CDHR2: variants seen among roughly 807,000 people sequenced by gnomAD.
CDHR2 encodes cadherin-related family member 2.
A neutral mutation model predicts 138.6 loss-of-function variants in CDHR2; 104 were observed. The ratio of observed to expected loss-of-function variants is 0.75; its 90% confidence interval spans 0.64 to 0.88. CDHR2 has a LOEUF of 0.88. Among genes scored for constraint, CDHR2 ranks in the 40% least tolerant of loss-of-function variants. The pLI, the probability that CDHR2 is intolerant of heterozygous loss-of-function variation, is 0.00. For synonymous variants in CDHR2, 755 were observed against 742.8 expected (o/e 1.02, Z -0.27); for missense variants, 1,624 against 1,727.6 (o/e 0.94, Z 1.06).
rs1342793358 is a variant in CDHR2, at chr5:176,584,581, A to G, written c.2300A>G (p.Asp767Gly). ...YLRLPPDVSL[D>G]YETQPVFNLT... ...CGGCTGCCCCCGGACGTGAGCCTGG[A>G]TTACGAGACACAGCCCGTCTTCAAC... Residue 767 changes from aspartate to glycine, a missense_variant, in exon 19 of 32, where the codon GAT (aspartate) becomes GGT (glycine). Coordinates refer to ENST00000261944, the MANE Select transcript of CDHR2 (RefSeq NM_017675.6). 2 of 1,608,722 alleles carry G rather than the reference A, an allele frequency of 1.2e-6. No individual in the cohort carries two copies. Among genetic ancestry groups the G allele is most frequent in the East Asian group, 2.2e-5 (1 of 44,800 alleles).
intron 30 of CDHR2, chr5:176,591,751 GTGA>G (rs1230376015): frequency 1.1e-5 from 2 of 176,240 alleles, no homozygotes; most frequent in African/African-American, 7.3e-5. Flanking sequence ...GGTGATGGTG[GTGA>G]TGATGGTGAT....
intron 3 of CDHR2, chr5:176,566,826 C>G (rs1049060295): frequency 2.4e-6 from 1 of 414,578 alleles, no homozygotes; most frequent in South Asian, 1.7e-5. Context: ...GCAAGGGAAC[C>G]TGGCAAATGT....
chr5:176,560,114 T>C (rs924136035), intron 1 of CDHR2, among the ~76,000 whole-genome samples: 4 of 151,956 alleles, frequency 2.6e-5, no homozygotes, highest in African/African-American at 9.7e-5. Flanking sequence ...TAAAAACAAA[T>C]GGCTGGGCGC....
intron 14 of CDHR2, 77 bp from the exon 15 acceptor site, chr5:176,577,955 GCT>G: frequency 6.6e-7 from 1 of 1,525,980 alleles, no homozygotes. Flanking sequence ...AAGCACGACA[GCT>G]CTGTCCCCAC....
At position 176,584,965 on chromosome 5, in the gene CDHR2, G is replaced by A. The variant is rs141336153; in HGVS notation, c.2684G>A (p.Arg895Gln). Residue 895 changes from arginine to glutamine, a missense_variant, in exon 19 of 32, where the codon CGG (arginine) becomes CAG (glutamine). Arg to Gln is a conservative substitution (Grantham distance 43). Around this residue, in one of 3 missense-constraint regions of CDHR2, gnomAD observed 556 missense variants for 565.7 expected, o/e 0.98. Transcript: ENST00000261944. Reference sequence around the variant, plus strand: ...TGTGACCTGGTCACGCTGGTTGTGCGGGCCTGTGACCTAGCCACGGACCCC... The same window carrying A: ...TGTGACCTGGTCACGCTGGTTGTGCAGGCCTGTGACCTAGCCACGGACCCC... ...EACDLVTLVV[R>Q]ACDLATDPGF... is the part of the protein sequence containing the mutation. 7.1e-4 allele frequency: 1,115 copies of A among 1,565,116 alleles called. 21 individuals carry two copies. In the South Asian group the frequency reaches 0.012, roughly 17 times the overall value.
rs1758376183 is a variant in CDHR2, at chr5:176,576,166, T to C, written c.1175T>C (p.Val392Ala). Residue 392 changes from valine to alanine, a missense_variant, in exon 12 of 32, where the codon GTG becomes GCG. Coordinates refer to ENST00000261944, the MANE Select transcript of CDHR2 (RefSeq NM_017675.6). The surrounding 1 kb of genome is among the most constrained non-coding windows in gnomAD (Gnocchi z 4.5). Reference protein sequence around the residue: ...PRIPIDDLTMVVYDPDKGSNG... With the variant: ...PRIPIDDLTMAVYDPDKGSNG... Reference sequence around the variant, plus strand: ...ATCCCCATCGATGACCTCACCATGGTGGTCTACGACCCGGACAAGGCAGGC... The same window carrying C: ...ATCCCCATCGATGACCTCACCATGGCGGTCTACGACCCGGACAAGGCAGGC... The C allele has an allele frequency of 7.9e-6, 12 of 1,510,854 alleles. No individual in the cohort carries two copies. The Admixed American group carries it at 1.8e-4, about 22-fold the overall frequency. The allele number at this position is 1,510,854 out of a possible 1,614,324, so 93.6% of individuals were successfully genotyped here. A position where few individuals can be genotyped will look rare whatever the true frequency, so the allele number is the denominator to read the frequency against.
intron 1 of CDHR2, among the ~76,000 whole-genome samples, chr5:176,551,869 TA>T (rs59667459): frequency 0.65 from 77,089 of 119,006 alleles, 24,378 homozygotes; most frequent in Non-Finnish European, 0.77. Context: ...GCCTGGCTAA[TA>T]TTTTTTTTTT....
chr5:176,559,376 T>C (rs1308673158), intron 1 of CDHR2, among the ~76,000 whole-genome samples: 5 of 152,242 alleles, frequency 3.3e-5, no homozygotes, highest in Non-Finnish European at 2.9e-5. Context: ...GTCCTTTGTA[T>C]GTCACTTGTT....
In CDHR2 at chr5:176,572,998, G is replaced by A. The variant is rs988561781; in HGVS notation, c.406-1085G>A. 3.3e-5 allele frequency among the ~76,000 whole-genome samples: 5 copies of A among 152,194 alleles called. No homozygotes were observed. The South Asian group carries it at 8.3e-4, about 25-fold the overall frequency. ...GCAAAGTCAAGGAAGTGACTGCAGC[G>A]GGCACTGCTTTAGGTTGAAGGGTCA... On this transcript the variant is annotated intron_variant, in intron 6 of 31. Transcript: ENST00000261944.
At chr5:176,567,667 A>G (rs1009839200) in intron 3 of CDHR2, among the ~76,000 whole-genome samples, 9 of 151,320 alleles carry the variant, frequency 5.9e-5, no homozygotes, top group African/African-American at 2.2e-4. Flanking sequence ...AATTTTTTGT[A>G]TTTTTAGTAG....
In CDHR2 at chr5:176,584,931, T is replaced by A. The variant is rs114528490; in HGVS notation, c.2650T>A (p.Tyr884Asn). 1 of 1,598,884 alleles carries A rather than the reference T, an allele frequency of 6.3e-7. No homozygotes were observed. The highest frequency in any genetic ancestry group is 1.3e-5 in the African/African-American group (1 of 74,592). ...VYINQSKAID[Y>N]EACDLVTLVV... ...CATCAACCAGAGCAAAGCCATCGAC[T>A]ACGAGGCCTGTGACCTGGTCACGCT... is the stretch of plus-strand genomic sequence containing the variant. Residue 884 changes from tyrosine (Y) to asparagine (N), a missense_variant, in exon 19 of 32, where the codon TAC becomes AAC. Transcript: ENST00000261944.
chr5:176,568,953 G>A lies in CDHR2; in HGVS notation c.265-7G>A. On this transcript the variant is annotated splice_polypyrimidine_tract_variant and splice_region_variant and intron_variant, in intron 4 of 31. Coordinates refer to ENST00000261944, the MANE Select transcript of CDHR2 (RefSeq NM_017675.6). Reference sequence around the variant, plus strand: ...CACCACCGGCCCCTTCTCTCTGGCTGCTGCAGACACTCTACACATTCAAAG... The same window carrying A: ...CACCACCGGCCCCTTCTCTCTGGCTACTGCAGACACTCTACACATTCAAAG... The A allele has an allele frequency of 6.2e-7, 1 of 1,613,998 alleles. No individual in the cohort carries two copies. Among genetic ancestry groups the A allele is most frequent in the Non-Finnish European group, 8.5e-7 (1 of 1,179,944 alleles).
intron 16 of CDHR2, among the ~76,000 whole-genome samples, chr5:176,578,934 T>C (rs1334716479): frequency 6.6e-6 from 1 of 151,986 alleles, no homozygotes. Context: ...GATAAAAATA[T>C]GAAAGAAATA....
At chr5:176,551,175 AT>A (rs917752292) in intron 1 of CDHR2, among the ~76,000 whole-genome samples, 3 of 151,482 alleles carry the variant, frequency 2.0e-5, no homozygotes, top group Admixed American at 6.6e-5. Context: ...CGTCTGGCTA[AT>A]TTTTTTTTGT....
At chr5:176,595,511 C>T (rs375445534) in intron 31 of CDHR2, 21 bp from the exon 32 acceptor site, 1 of 1,571,260 alleles carries the variant, frequency 6.4e-7, no homozygotes, top group African/African-American at 1.4e-5. Context: ...CCCTTCACAC[C>T]TCCTCTCCCT....
Position 176,575,782 on chromosome 5 carries a change from C to A in CDHR2, c.903C>A (p.Gly301=). Residue 301 remains glycine (G), a synonymous_variant, in exon 11 of 32, where the codon GGC becomes GGA. Transcript: ENST00000261944. ...IGADGVIRVN[G]SLDREQLLEA... ...CAGATGGGGTGATCAGGGTCAACGG[C>A]TCCCTGGACCGTGAGCAGCTGCTGG... 1 of 1,562,174 alleles carries A rather than the reference C, an allele frequency of 6.4e-7. No homozygotes were observed. Among genetic ancestry groups the A allele is most frequent in the Non-Finnish European group, 8.7e-7 (1 of 1,152,602 alleles).
At chr5:176,594,088 G>A (rs921322082) in intron 31 of CDHR2, among the ~76,000 whole-genome samples, 2 of 152,218 alleles carry the variant, frequency 1.3e-5, no homozygotes, top group South Asian at 4.1e-4. Context: ...GACCCCCTGA[G>A]GTGTGGCTGG....
At chr5:176,588,495 G>A (rs1269290479) in intron 21 of CDHR2, among the ~76,000 whole-genome samples, 2 of 140,052 alleles carry the variant, frequency 1.4e-5, no homozygotes, top group Non-Finnish European at 1.6e-5. Flanking sequence ...ATAAGTGTGT[G>A]AGGGTGTGTA....
At position 176,581,464 on chromosome 5, in the gene CDHR2, C is replaced by T; in HGVS notation, c.1940C>T (p.Pro647Leu). 6.2e-7 allele frequency: 1 copy of T among 1,614,176 alleles called. No individual in the cohort carries two copies. Among genetic ancestry groups the T allele is most frequent in the Non-Finnish European group, 8.5e-7 (1 of 1,180,046 alleles). ...PDTGLLRNLG[P>L]LDREAIDPAL... ...ACAGGGCTCCTCAGAAACCTGGGGC[C>T]CCTGGACAGAGAGGCCATCGACCCC... Residue 647 changes from proline (P) to leucine (L), a missense_variant, in exon 17 of 32, where the codon CCC becomes CTC. Transcript: ENST00000261944.
Sources: gnomAD v4.1 joint callset for allele counts (sites outside exome capture counted in the v4.1 genomes callset) on GRCh38, gnomAD v4.1.1 for gene constraint, gnomAD v4.1.1 regional missense constraint, Gnocchi (gnomAD v3.1) non-coding constraint, MANE v1.5 for transcripts, NCBI Gene and HGNC (gene_info 2026-07-23, HGNC 2026-07-21) for gene names.